Variants in FBXL17 observed in about 807,000 individuals in gnomAD.
FBXL17 encodes the protein F-box and leucine rich repeat protein 17, also known as F-box/LRR-repeat protein 17.
FBXL17 carries 22 observed loss-of-function variants against 66.2 expected under a neutral mutation model. The observed-to-expected ratio is 0.33, with a 90% confidence interval of 0.24 to 0.47. The LOEUF (loss-of-function observed/expected upper bound fraction) is 0.47. Ranked by LOEUF, FBXL17 falls within the 20% of genes least tolerant of loss-of-function variation. The pLI, the probability that FBXL17 is intolerant of heterozygous loss-of-function variation, is 1.00. For missense variants in FBXL17, 878 were observed against 948.2 expected (o/e 0.93, Z 0.97); for synonymous variants, 474 against 400.5 (o/e 1.18, Z -2.19).
At chr5:108,315,440 T>C (rs188706527) in intron 4 of FBXL17, among the ~76,000 whole-genome samples, 149 of 151,582 alleles carry the variant, frequency 9.8e-4, no homozygotes, top group African/African-American at 3.5e-3. Flanking sequence ...ACATTATTTA[T>C]TAAAGAGTAA....
intron 6 of FBXL17, among the ~76,000 whole-genome samples, chr5:108,034,215 G>A (rs893625438): frequency 6.6e-6 from 1 of 152,132 alleles, no homozygotes; most frequent in Non-Finnish European, 1.5e-5. Context: ...TATATTACAT[G>A]TAGTTCTCCA....
Position 107,961,871 on chromosome 5 carries a change from C to T in FBXL17, c.1822+59054G>A, listed in dbSNP as rs138917753. Among the ~76,000 whole-genome samples the T allele has an allele frequency of 1.6e-3, 245 of 152,148 alleles. 1 individual carries two copies. Among genetic ancestry groups the T allele is most frequent in the Admixed American group, 3.5e-3 (53 of 15,260 alleles). ...CTGTGCAGATAGGTGAGAGGGAACA[C>T]AGGCTAGGAGACAGGCTCTTGGGGT... is the stretch of plus-strand genomic sequence containing the variant. On this transcript the variant is annotated intron_variant, in intron 7 of 8. Transcript: ENST00000542267.
chr5:108,154,590 CAAAAAA>C (rs1162622917), intron 6 of FBXL17, among the ~76,000 whole-genome samples: 5 of 39,926 alleles, frequency 1.3e-4, no homozygotes, highest in Admixed American at 1.2e-3. Flanking sequence ...AACTCAGTTT[CAAAAAA>C]AAAAAAAAAA....
chr5:108,042,853 A>T (rs1747104717), intron 6 of FBXL17, among the ~76,000 whole-genome samples: 1 of 152,190 alleles, frequency 6.6e-6, no homozygotes, highest in Non-Finnish European at 1.5e-5. Flanking sequence ...TAACACTTTA[A>T]CAATATATGA....
chr5:108,072,205 C>T (rs1353040323), intron 6 of FBXL17, among the ~76,000 whole-genome samples: 1 of 152,084 alleles, frequency 6.6e-6, no homozygotes, highest in Non-Finnish European at 1.5e-5. Context: ...TGTCTATCTT[C>T]CTCATACTTA....
chr5:108,168,432 T>C (rs1170623179), intron 6 of FBXL17, among the ~76,000 whole-genome samples: 1 of 152,214 alleles, frequency 6.6e-6, no homozygotes, highest in Non-Finnish European at 1.5e-5. Context: ...GAACGGAATA[T>C]ATTTTTTGTA....
chr5:108,165,659 T>A (rs1243496106), intron 6 of FBXL17, among the ~76,000 whole-genome samples: 1 of 152,224 alleles, frequency 6.6e-6, no homozygotes, highest in Non-Finnish European at 1.5e-5. Flanking sequence ...GGTCACAGAT[T>A]ATCCTTGAGC....
At chr5:108,368,389 T>C (rs1270515309) in intron 1 of FBXL17, among the ~76,000 whole-genome samples, 1 of 152,068 alleles carries the variant, frequency 6.6e-6, no homozygotes, top group Non-Finnish European at 1.5e-5. Flanking sequence ...ACTTTTCATA[T>C]GTGATTTAAG....
chr5:108,211,303 T>C (rs1031691781), intron 5 of FBXL17, among the ~76,000 whole-genome samples: 1 of 152,234 alleles, frequency 6.6e-6, no homozygotes, highest in Non-Finnish European at 1.5e-5. Flanking sequence ...TGTCTTTTAA[T>C]TGGGGCATTT....
intron 6 of FBXL17, among the ~76,000 whole-genome samples, chr5:108,107,057 A>T (rs1038256222): frequency 4.6e-5 from 7 of 152,150 alleles, no homozygotes; most frequent in Non-Finnish European, 1.0e-4. Context: ...TTCCTCCTTA[A>T]AAATCTCTGA....
chr5:107,902,452 T>C (rs925063626), intron 7 of FBXL17, among the ~76,000 whole-genome samples: 3 of 152,176 alleles, frequency 2.0e-5, no homozygotes, highest in Non-Finnish European at 4.4e-5. Flanking sequence ...GCTCAGAGTA[T>C]CAGAGACACA....
intron 6 of FBXL17, among the ~76,000 whole-genome samples, chr5:108,126,563 A>T (rs1453575057): frequency 6.6e-6 from 1 of 151,494 alleles, no homozygotes. Context: ...GTTATTTTAT[A>T]TATGTGTGTA....
intron 6 of FBXL17, among the ~76,000 whole-genome samples, chr5:108,100,195 A>G (rs148547217): frequency 1.3e-5 from 2 of 152,308 alleles, no homozygotes; most frequent in African/African-American, 4.8e-5. Flanking sequence ...ACAAATTTTT[A>G]AAGATTCTAA....
intron 8 of FBXL17, among the ~76,000 whole-genome samples, chr5:107,868,445 A>G (rs962026472): frequency 5.3e-5 from 8 of 152,236 alleles, no homozygotes; most frequent in Non-Finnish European, 1.0e-4. Context: ...TGTGGGTTGC[A>G]TGAGACTTTG....
rs539670061 is a variant in FBXL17 at position 108,090,723 on chromosome 5, G to A, written c.1746-69722C>T. Among the ~76,000 whole-genome samples, 3 of 152,088 alleles carry A rather than the reference G, an allele frequency of 2.0e-5. No homozygotes were observed. The South Asian group carries it at 6.2e-4, about 32-fold the overall frequency. ...TATTTCAACCTTTGAAAATATAAAA[G>A]TCAGTTTTAGCATGTGGGCCATACA... is the stretch of plus-strand genomic sequence containing the variant. On this transcript the variant is annotated intron_variant, in intron 6 of 8. Transcript: ENST00000542267.
chr5:108,061,744 A>C (rs551407915), intron 6 of FBXL17, among the ~76,000 whole-genome samples: 29 of 152,140 alleles, frequency 1.9e-4, no homozygotes, highest in Non-Finnish European at 3.7e-4. Context: ...AGAAGTATAT[A>C]AACTGATATC....
intron 4 of FBXL17, among the ~76,000 whole-genome samples, chr5:108,245,603 T>C (rs1178624310): frequency 1.3e-5 from 2 of 152,182 alleles, no homozygotes; most frequent in African/African-American, 2.4e-5. Flanking sequence ...TCTCCAATAA[T>C]GGGAAGTAAG....
At chr5:108,154,926 A>G (rs1422204568) in intron 6 of FBXL17, among the ~76,000 whole-genome samples, 1 of 151,756 alleles carries the variant, frequency 6.6e-6, no homozygotes, top group East Asian at 1.9e-4. Flanking sequence ...AATTGAATGA[A>G]CAGATTAGAG....
chr5:107,890,118 C>A (rs1405923863), intron 7 of FBXL17, among the ~76,000 whole-genome samples: 2 of 152,054 alleles, frequency 1.3e-5, no homozygotes, highest in Admixed American at 6.6e-5. Flanking sequence ...CTTTTTTATT[C>A]CAGCCTGCAT....
Sources: allele counts gnomAD v4.1 joint callset (sites outside exome capture counted in the v4.1 genomes callset), GRCh38; gene constraint gnomAD v4.1.1; transcripts MANE v1.5; gene names NCBI Gene and HGNC (gene_info 2026-07-23, HGNC 2026-07-21).